The following ROBO1 variants were observed in gnomAD, a reference collection of about 807,000 sequenced individuals.
ROBO1 encodes roundabout guidance receptor 1.
Under a neutral mutation model 195.9 loss-of-function variants are expected in ROBO1, and 149 were observed. The ratio of observed to expected loss-of-function variants is 0.76; its 90% CI spans 0.67 to 0.87. The LOEUF (loss-of-function observed/expected upper bound fraction) is 0.87. Ranked by LOEUF, ROBO1 falls within the 40% of genes least tolerant of loss-of-function variation. The probability of loss-of-function intolerance (pLI) is 0.00; values close to 1 mark genes in which losing one functional copy is unlikely to be tolerated. For missense variants in ROBO1, 1,933 were observed against 2,068.3 expected, an observed-to-expected ratio of 0.93 and a Z score of 1.27; for synonymous variants, 816 against 733.2, an observed-to-expected ratio of 1.11 and a Z score of -1.82.
At chr3:79,030,299 G>C (rs547952211) in intron 3 of ROBO1, among the ~76,000 whole-genome samples, 102 of 152,302 alleles carry the variant, frequency 6.7e-4, no homozygotes, top group African/African-American at 2.4e-3. Context: ...TGAGAAGGTG[G>C]TATAGGCATC....
At chr3:79,323,652 C>T (rs77730890) in intron 2 of ROBO1, among the ~76,000 whole-genome samples, 2,896 of 152,238 alleles carry the variant, frequency 0.019, 72 homozygotes, top group African/African-American at 0.061. Context: ...TAATATAGAA[C>T]TGACCATCAT....
intron 3 of ROBO1, among the ~76,000 whole-genome samples, chr3:78,963,438 T>G (rs1426754062): frequency 6.6e-6 from 1 of 150,526 alleles, no homozygotes; most frequent in African/African-American, 2.4e-5. Flanking sequence ...TGGAGTTTTG[T>G]GTTTATAAAC....
intron 28 of ROBO1, among the ~76,000 whole-genome samples, chr3:78,611,491 G>C (rs1277465040): frequency 6.6e-6 from 1 of 152,170 alleles, no homozygotes; most frequent in African/African-American, 2.4e-5. Context: ...CAACTTGTAA[G>C]AGGCAAATAT....
chr3:79,239,460 G>C (rs865795650), intron 2 of ROBO1, among the ~76,000 whole-genome samples: 42 of 152,246 alleles, frequency 2.8e-4, no homozygotes, highest in African/African-American at 9.6e-4. Flanking sequence ...AATACTTTTA[G>C]TTCTAAACAT....
intron 3 of ROBO1, among the ~76,000 whole-genome samples, chr3:78,950,643 C>G (rs1360508131): frequency 2.0e-5 from 3 of 150,726 alleles, no homozygotes; most frequent in African/African-American, 7.3e-5. Context: ...GCACATGTAC[C>G]CTAAAACTTA....
chr3:79,542,023 G>T (rs984353485), intron 2 of ROBO1, among the ~76,000 whole-genome samples: 1 of 151,662 alleles, frequency 6.6e-6, no homozygotes, highest in Non-Finnish European at 1.5e-5. Context: ...AGAATTACTA[G>T]GGACATTAAT....
At chr3:78,843,586 G>A (rs1191795893) in intron 4 of ROBO1, among the ~76,000 whole-genome samples, 7 of 151,852 alleles carry the variant, frequency 4.6e-5, no homozygotes, top group Non-Finnish European at 1.0e-4. Flanking sequence ...TGAAGGTTTC[G>A]GAGTATGTCT....
intron 2 of ROBO1, among the ~76,000 whole-genome samples, chr3:79,583,626 G>T (rs1490262123): frequency 1.3e-5 from 2 of 151,802 alleles, no homozygotes; most frequent in Non-Finnish European, 2.9e-5. Context: ...TAATATAATT[G>T]TAATATTGAT....
intron 3 of ROBO1, among the ~76,000 whole-genome samples, chr3:79,115,241 A>G (rs2108544247): frequency 6.6e-6 from 1 of 152,294 alleles, no homozygotes; most frequent in South Asian, 2.1e-4. Context: ...TAAGAACACA[A>G]AAATGTGCTT....
intron 3 of ROBO1, among the ~76,000 whole-genome samples, chr3:79,068,349 C>T (rs752794720): frequency 3.3e-5 from 5 of 151,832 alleles, no homozygotes; most frequent in Admixed American, 2.6e-4. Context: ...GGTTTTTACC[C>T]GTGTTCCTCC....
chr3:79,263,514 G>C (rs1255173454), intron 2 of ROBO1, among the ~76,000 whole-genome samples: 1 of 151,906 alleles, frequency 6.6e-6, no homozygotes, highest in Non-Finnish European at 1.5e-5. Context: ...ATTAGCCAAG[G>C]GTGGTGGCAT....
intron 2 of ROBO1, among the ~76,000 whole-genome samples, chr3:79,294,053 A>G (rs7640694): frequency 0.23 from 21,574 of 95,304 alleles, 2,257 homozygotes; most frequent in African/African-American, 0.4. Context: ...GCGAGACTCC[A>G]TCTCAAAAAA....
chr3:78,948,203 T>A (rs575341533), intron 3 of ROBO1, among the ~76,000 whole-genome samples: 1 of 152,230 alleles, frequency 6.6e-6, no homozygotes. Flanking sequence ...TACCAAAGCA[T>A]GGCAGAGACA....
At chr3:78,822,452 A>G (rs1351646239) in intron 4 of ROBO1, among the ~76,000 whole-genome samples, 6 of 152,162 alleles carry the variant, frequency 3.9e-5, no homozygotes, top group African/African-American at 1.4e-4. Context: ...GAGAAAGACA[A>G]ATATTGAAGA....
intron 2 of ROBO1, among the ~76,000 whole-genome samples, chr3:79,208,853 CG>C (rs2081920500): frequency 6.6e-6 from 1 of 151,544 alleles, no homozygotes; most frequent in Non-Finnish European, 1.5e-5. Context: ...GCAACCTTTC[CG>C]AGAAATTTCT....
At position 79,546,410 on chromosome 3, in the gene ROBO1, G is replaced by T. The variant is rs74947497; in HGVS notation, c.88+43414C>A. ...GTTGTTCAAAGGTTAAATGTACAGT[G>T]AAAGAGTACAGTGTTGCTCTCGAAA... On this transcript the variant is annotated intron_variant, in intron 2 of 30. Transcript: ENST00000464233. 9.7e-3 allele frequency among the ~76,000 whole-genome samples: 1,482 copies of T among 152,068 alleles called. 25 individuals carry two copies. The highest frequency in any genetic ancestry group is 0.034 in the African/African-American group (1,418 of 41,406).
At chr3:79,021,754 G>A (rs556394870) in intron 3 of ROBO1, among the ~76,000 whole-genome samples, 1 of 149,016 alleles carries the variant, frequency 6.7e-6, no homozygotes, top group South Asian at 2.1e-4. Flanking sequence ...TCCGCCTCCC[G>A]GGTTCACGCC....
intron 5 of ROBO1, among the ~76,000 whole-genome samples, chr3:78,740,249 ACT>A (rs1468954845): frequency 1.3e-5 from 2 of 151,666 alleles, no homozygotes; most frequent in Admixed American, 6.5e-5. Flanking sequence ...TAGCTTAGGC[ACT>A]GTGTTTTCAA....
intron 4 of ROBO1, among the ~76,000 whole-genome samples, chr3:78,879,434 T>C (rs891064124): frequency 6.6e-6 from 1 of 152,070 alleles, no homozygotes; most frequent in Non-Finnish European, 1.5e-5. Context: ...GCTTGACCTA[T>C]ATACGAGGTT....
Sources: gnomAD v4.1 joint callset for allele counts (sites outside exome capture counted in the v4.1 genomes callset) on GRCh38, gnomAD v4.1.1 for gene constraint, MANE v1.5 for transcripts, NCBI Gene and HGNC (gene_info 2026-07-23, HGNC 2026-07-21) for gene names.